Variants in CACNA2D2 observed in about 807,000 individuals in gnomAD.
The protein encoded by CACNA2D2 is voltage-dependent calcium channel subunit alpha-2/delta-2.
Under a neutral mutation model 166.4 loss-of-function variants are expected in CACNA2D2, and 48 were observed. The ratio of observed to expected loss-of-function variants is 0.29; its 90% CI spans 0.23 to 0.37. CACNA2D2 has a LOEUF of 0.37. Among genes scored for constraint, CACNA2D2 ranks in the 10% least tolerant of loss-of-function variants. The pLI is 1.00. For missense variants in CACNA2D2, 1,122 were observed against 1,433.0 expected, an observed-to-expected ratio of 0.78 and a Z score of 3.50; for synonymous variants, 561 against 573.7, an observed-to-expected ratio of 0.98 and a Z score of 0.32.
At chr3:50,481,504 G>C (rs8180034) in intron 1 of CACNA2D2, among the ~76,000 whole-genome samples, 21,460 of 152,194 alleles carry the variant, frequency 0.14, 2,788 homozygotes, top group East Asian at 0.61. Flanking sequence ...GTGGGCAGCA[G>C]GGGAAGCAGG....
chr3:50,430,585 T>C (rs1708019154), intron 3 of CACNA2D2, among the ~76,000 whole-genome samples: 1 of 152,182 alleles, frequency 6.6e-6, no homozygotes, highest in Admixed American at 6.5e-5. Context: ...CCCCCAGCCC[T>C]GAACAGGGCA....
intron 23 of CACNA2D2, among the ~76,000 whole-genome samples, chr3:50,368,461 AGCT>A (rs931342120): frequency 1.3e-5 from 2 of 152,160 alleles, no homozygotes; most frequent in African/African-American, 4.8e-5. Context: ...CCATTCGGGC[AGCT>A]GCTTTCTCCT....
chr3:50,398,397 T>C (rs996809463), intron 3 of CACNA2D2, among the ~76,000 whole-genome samples: 1 of 152,180 alleles, frequency 6.6e-6, no homozygotes, highest in Non-Finnish European at 1.5e-5. Context: ...CCCTCTTCCA[T>C]GTCTGCTTTC....
chr3:50,463,785 T>C (rs553711395), intron 2 of CACNA2D2, among the ~76,000 whole-genome samples: 2 of 152,312 alleles, frequency 1.3e-5, no homozygotes, highest in South Asian at 4.1e-4. Context: ...GGGACAGACA[T>C]CCTGTCCCAG....
chr3:50,366,294 C>T lies in CACNA2D2; in HGVS notation c.2682G>A (p.Leu894=). The change falls in exon 31 of 38, where the codon CTG becomes CTA. Residue 894 remains leucine, a synonymous_variant. Coordinates refer to ENST00000424201, the MANE Select transcript of CACNA2D2 (RefSeq NM_006030.4). The surrounding 1 kb of genome is among the most constrained non-coding windows in gnomAD (Gnocchi z 5.9). ...VLIDDGGFLV[L]SNQNHQWDQV... is the part of the protein sequence containing the mutation. ...GGTCCCACTGATGGTTCTGGTTTGA[C>T]AGCACCAGGAATCCTCCATCATCAA... is the stretch of plus-strand genomic sequence containing the variant. 2 of 1,614,116 alleles carry T rather than the reference C, an allele frequency of 1.2e-6. No individual in the cohort carries two copies. The highest frequency in any genetic ancestry group is 1.7e-6 in the Non-Finnish European group (2 of 1,180,020).
In CACNA2D2 at chr3:50,374,762, G is replaced by A. The variant is rs1007164991; in HGVS notation, c.1959C>T (p.Leu653=). The A allele has an allele frequency of 1.3e-6, 2 of 1,598,956 alleles. No homozygotes were observed. Among genetic ancestry groups the A allele is most frequent in the South Asian group, 1.1e-5 (1 of 88,416 alleles). Residue 653 remains leucine (L), a synonymous_variant, in exon 22 of 38, where the codon CTC becomes CTT. Coordinates refer to ENST00000424201, the MANE Select transcript of CACNA2D2 (RefSeq NM_006030.4). ...PYSTFYLQAN[L]SDQILQVKYF... ...ACTTGACCTGCAGGATCTGGTCACT[G>A]AGATTGGCTTGGAGGTAGAAGGTGC... is the stretch of plus-strand genomic sequence containing the variant.
At chr3:50,439,738 G>A (rs577106137) in intron 2 of CACNA2D2, among the ~76,000 whole-genome samples, 5 of 152,348 alleles carry the variant, frequency 3.3e-5, no homozygotes, top group Admixed American at 2.0e-4. Flanking sequence ...GTTGGAGGCC[G>A]GGGTCAGCTG....
At chr3:50,445,805 T>C (rs1389859380) in intron 2 of CACNA2D2, among the ~76,000 whole-genome samples, 1 of 152,200 alleles carries the variant, frequency 6.6e-6, no homozygotes, top group African/African-American at 2.4e-5. Flanking sequence ...GGGGTGGGGT[T>C]ACCACCCAAA....
At chr3:50,418,470 A>G (rs968252880) in intron 3 of CACNA2D2, among the ~76,000 whole-genome samples, 4 of 151,994 alleles carry the variant, frequency 2.6e-5, no homozygotes, top group African/African-American at 9.7e-5. Flanking sequence ...GGCTAATTCT[A>G]ATTTCACCCA....
At chr3:50,483,348 A>G (rs947566162) in intron 1 of CACNA2D2, among the ~76,000 whole-genome samples, 2 of 152,222 alleles carry the variant, frequency 1.3e-5, no homozygotes, top group African/African-American at 4.8e-5. Flanking sequence ...AGGTGTTGCC[A>G]AAGCATGAAT....
intron 6 of CACNA2D2, among the ~76,000 whole-genome samples, chr3:50,382,159 G>A (rs934492502): frequency 6.6e-6 from 1 of 152,132 alleles, no homozygotes; most frequent in Non-Finnish European, 1.5e-5. Flanking sequence ...ATGTTCTCAT[G>A]TGTGCAGTGA....
intron 3 of CACNA2D2, among the ~76,000 whole-genome samples, chr3:50,401,804 G>C (rs1395938466): frequency 6.6e-6 from 1 of 152,034 alleles, no homozygotes; most frequent in African/African-American, 2.4e-5. Flanking sequence ...TGCCTCCTGG[G>C]TTCAGGCGAT....
rs1705186332 is a variant in CACNA2D2, at chr3:50,379,533, G to A, written c.1051C>T (p.Arg351Cys). The A allele has an allele frequency of 3.1e-6, 5 of 1,613,962 alleles. No individual in the cohort carries two copies. The highest frequency in any genetic ancestry group is 1.6e-4 in the Middle Eastern group (1 of 6,062). ...GCTTCCTTGAACACCTTCTTGTTGC[G>A]CACATTGGCCTGCACCAGGTGTGTG... is the stretch of plus-strand genomic sequence containing the variant. ...CFTHLVQANV[R>C]NKKVFKEAVQ... The change falls in exon 11 of 38, where the codon CGC becomes TGC. Residue 351 changes from arginine to cysteine, a missense_variant. Transcript: ENST00000424201. The surrounding 1 kb of genome is among the most constrained non-coding windows in gnomAD (Gnocchi z 6.5).
rs368808699 is a variant in CACNA2D2 at position 50,383,332 on chromosome 3, G to A, written c.652+864C>T. On this transcript the variant is annotated intron_variant, in intron 6 of 37. Transcript: ENST00000424201. ...GACCCTGGGAATTCCCTGCATTATG[G>A]AGCTGAGGCAGTGGCTCTGGGGCTT... Among the ~76,000 whole-genome samples, 150 of 152,258 alleles carry A rather than the reference G, an allele frequency of 9.9e-4. 1 individual carries two copies. Among genetic ancestry groups the A allele is most frequent in the African/African-American group, 3.3e-3 (139 of 41,556 alleles).
At chr3:50,462,633 C>A (rs566471097) in intron 2 of CACNA2D2, among the ~76,000 whole-genome samples, 1 of 151,664 alleles carries the variant, frequency 6.6e-6, no homozygotes, top group East Asian at 1.9e-4. Flanking sequence ...CAAAGCCCTC[C>A]TCTCCCGCAG....
chr3:50,402,173 C>G (rs1476306440), intron 3 of CACNA2D2, among the ~76,000 whole-genome samples: 1 of 152,184 alleles, frequency 6.6e-6, no homozygotes, highest in East Asian at 1.9e-4. Flanking sequence ...AGAAAGAGGT[C>G]GGGTGTGTCC....
intron 3 of CACNA2D2, among the ~76,000 whole-genome samples, chr3:50,424,655 G>A (rs1484642472): frequency 6.6e-6 from 1 of 152,190 alleles, no homozygotes; most frequent in Non-Finnish European, 1.5e-5. Context: ...AGGTCTATTC[G>A]TGCTGTCCCC....
chr3:50,454,624 G>C (rs1412744499), intron 2 of CACNA2D2, among the ~76,000 whole-genome samples: 1 of 152,234 alleles, frequency 6.6e-6, no homozygotes, highest in Admixed American at 6.5e-5. Flanking sequence ...CGGGAGATTA[G>C]CAGTTTAGAG....
intron 1 of CACNA2D2, among the ~76,000 whole-genome samples, chr3:50,488,287 A>G (rs114684374): frequency 1.3e-5 from 2 of 152,168 alleles, no homozygotes; most frequent in South Asian, 2.1e-4. Context: ...ACCTCCACAC[A>G]CTGGATGGAA....
Sources: allele counts gnomAD v4.1 joint callset (sites outside exome capture counted in the v4.1 genomes callset), GRCh38; gene constraint gnomAD v4.1.1; non-coding constraint Gnocchi (gnomAD v3.1); transcripts MANE v1.5; gene names NCBI Gene and HGNC (gene_info 2026-07-23, HGNC 2026-07-21).